The following CCDC136 variants were observed in gnomAD, a reference collection of about 807,000 sequenced individuals.
The protein encoded by CCDC136 is coiled-coil domain containing 136.
CCDC136 carries 100 observed loss-of-function variants against 141.2 expected under a neutral mutation model. The observed-to-expected ratio is 0.71, with a 90% confidence interval of 0.60 to 0.84. The LOEUF (loss-of-function observed/expected upper bound fraction) is 0.84, where lower values mean the gene tolerates loss of function less well. Among genes scored for constraint, CCDC136 ranks in the 40% least tolerant of loss-of-function variants. The pLI is 0.00. For synonymous variants in CCDC136, 474 were observed against 531.9 expected, an observed-to-expected ratio of 0.89 and a Z score of 1.50; for missense variants, 1,206 against 1,379.4, an observed-to-expected ratio of 0.87 and a Z score of 1.99.
At position 128,792,393 on chromosome 7, in the gene CCDC136, G is replaced by C. The variant is rs771542517; in HGVS notation, c.-19G>C. The stretch of plus-strand genomic sequence containing the variant: ...AGAGGAAGAAGGGCCAACGCTGGGG[G>C]TCCCTGGAACGACGGGGGATGCAAG... On this transcript the variant is annotated 5_prime_UTR_variant, in exon 1 of 18. Transcript: ENST00000297788. 3.7e-6 allele frequency: 6 copies of C among 1,611,268 alleles called. No homozygotes were observed. The highest frequency in any genetic ancestry group is 5.1e-6 in the Non-Finnish European group (6 of 1,178,584).
intron 17 of CCDC136, among the ~76,000 whole-genome samples, chr7:128,818,838 T>C (rs1040589052): frequency 2.6e-5 from 4 of 152,154 alleles, no homozygotes; most frequent in East Asian, 1.9e-4. Flanking sequence ...TAGTCCTGCA[T>C]TGGCTCCTCT....
intron 14 of CCDC136, 34 bp from the exon 15 acceptor site, chr7:128,814,604 C>T (rs1806298296): frequency 6.6e-7 from 1 of 1,505,606 alleles, no homozygotes; most frequent in African/African-American, 1.4e-5. Context: ...CATAACCAGC[C>T]AACTCTGGGT....
rs550847098 is a variant in CCDC136 at position 128,814,241 on chromosome 7, A to G, written c.2764-397A>G. ...TCTGGGACTACAGGCGCGCTCCAAT[A>G]AGCCCAGCGAATGTTTGTATTTTTA... On this transcript the variant is annotated intron_variant, in intron 14 of 17. Coordinates refer to ENST00000297788, the MANE Select transcript of CCDC136 (RefSeq NM_022742.5). 1.6e-3 allele frequency among the ~76,000 whole-genome samples: 246 copies of G among 151,932 alleles called. 7 individuals are homozygous for G. The South Asian group carries it at 0.05, about 31-fold the overall frequency.
intron 1 of CCDC136, among the ~76,000 whole-genome samples, chr7:128,793,234 A>G (rs560522511): frequency 1.1e-4 from 17 of 152,370 alleles, no homozygotes; most frequent in African/African-American, 3.6e-4. Context: ...GGGTGCTCAC[A>G]ACCAGAGGCT....
At chr7:128,795,543 G>GCT (rs1420631863) in intron 3 of CCDC136, among the ~76,000 whole-genome samples, 5 of 151,960 alleles carry the variant, frequency 3.3e-5, no homozygotes, top group Non-Finnish European at 7.4e-5. Flanking sequence ...GGTGTAAGTG[G>GCT]GGAGGAGAGG....
chr7:128,791,954 C>CCTTT, upstream of CCDC136: 1 of 1,012,980 alleles, frequency 9.9e-7, no homozygotes, highest in Non-Finnish European at 1.2e-6. This position sits in a 1 kb window ranked among gnomAD's most constrained non-coding sequence, Gnocchi z 7.1. Context: ...CGCACGCCCC[C>CCTTT]CACTCCTCCC....
chr7:128,815,721 A>G lies in CCDC136; in HGVS notation c.3153A>G (p.Lys1051=). 2 of 1,557,402 alleles carry G rather than the reference A, an allele frequency of 1.3e-6. No homozygotes were observed. The highest frequency in any genetic ancestry group is 1.7e-6 in the Non-Finnish European group (2 of 1,150,452). ...TGGAGGAGGAAAAAAAGCAAGTGAA[A>G]GAGGAAGCAAAGGAGCAGTGTGGGG... ...EEMEEEKKQV[K]EEAKEQCGDE... The change falls in exon 16 of 18, where the codon AAA becomes AAG. Residue 1051 remains lysine, a synonymous_variant. Transcript: ENST00000297788.
chr7:128,796,376 C>T (rs548850716), intron 3 of CCDC136, among the ~76,000 whole-genome samples: 8 of 152,122 alleles, frequency 5.3e-5, no homozygotes, highest in Non-Finnish European at 1.0e-4. Flanking sequence ...TTTGTTTGAG[C>T]GACAGAACAG....
At position 128,814,842 on chromosome 7, in the gene CCDC136, A is replaced by G; in HGVS notation, c.2968A>G (p.Asn990Asp). 1.2e-6 allele frequency: 2 copies of G among 1,610,346 alleles called. No homozygotes were observed. The highest frequency in any genetic ancestry group is 2.7e-5 in the African/African-American group (2 of 75,008). The change falls in exon 15 of 18, where the codon AAT (asparagine) becomes GAT (aspartate). Residue 990 changes from asparagine (N) to aspartate (D), a missense_variant. Transcript: ENST00000297788. Reference protein sequence around the residue: ...GKNANKNMNKNANGVKMKKVT... With the variant: ...GKNANKNMNKDANGVKMKKVT... ...GAATGCTAATAAGAACATGAACAAG[A>G]ATGCCAATGGGGTTAAAATGAAAAA...
chr7:128,806,578 A>G, intron 8 of CCDC136, 110 bp from the exon 9 acceptor site: 1 of 1,164,442 alleles, frequency 8.6e-7, no homozygotes, highest in Non-Finnish European at 1.2e-6. Flanking sequence ...TAGGAAGTGA[A>G]GGGCAGGAAG....
In CCDC136 at chr7:128,821,040, C is replaced by T. The variant is rs3800560; in HGVS notation, c.*6-759C>T. ...AAGTAATAAAAATAAAACCTATTTCCCCAAGTATGTATTTTCTTGTCTAAG... is the reference window on the plus strand; with the variant it reads ...AAGTAATAAAAATAAAACCTATTTCTCCAAGTATGTATTTTCTTGTCTAAG... On this transcript the variant is annotated intron_variant, in intron 17 of 17. Transcript: ENST00000297788. The surrounding 1 kb of genome is among the most constrained non-coding windows in gnomAD (Gnocchi z 5.1). Among the ~76,000 whole-genome samples the T allele has an allele frequency of 0.093, 14,153 of 152,178 alleles. 696 individuals are homozygous for T. The highest frequency in any genetic ancestry group is 0.19 in the East Asian group (995 of 5,180).
rs542421446 is a variant in CCDC136 at position 128,795,418 on chromosome 7, G to C, written c.346+650G>C. On this transcript the variant is annotated intron_variant, in intron 3 of 17. Coordinates refer to ENST00000297788, the MANE Select transcript of CCDC136 (RefSeq NM_022742.5). ...GTGGGCCTCCGGAAGGTTTAGGGGA[G>C]CTGCCCTAGAAAACGGCAGGGACTC... Among the ~76,000 whole-genome samples the C allele has an allele frequency of 1.7e-4, 26 of 152,192 alleles. 1 individual carries two copies. Among genetic ancestry groups the C allele is most frequent in the African/African-American group, 6.3e-4 (26 of 41,518 alleles).
rs536796830 is a variant in CCDC136 at position 128,794,986 on chromosome 7, G to T, written c.346+218G>T. Reference sequence around the variant, plus strand: ...CTTTGCACATCTACCTGGCTCTTCTGTCCTCCCCTTCCATTTCTTGGCCTC... The same window carrying T: ...CTTTGCACATCTACCTGGCTCTTCTTTCCTCCCCTTCCATTTCTTGGCCTC... On this transcript the variant is annotated intron_variant, in intron 3 of 17. Coordinates refer to ENST00000297788, the MANE Select transcript of CCDC136 (RefSeq NM_022742.5). The surrounding 1 kb of genome is among the most constrained non-coding windows in gnomAD (Gnocchi z 4.3). Among the ~76,000 whole-genome samples the T allele has an allele frequency of 3.9e-5, 6 of 151,962 alleles. No homozygotes were observed. Among genetic ancestry groups the T allele is most frequent in the Non-Finnish European group, 7.4e-5 (5 of 67,996 alleles).
chr7:128,802,045 G>A (rs1201545199), intron 4 of CCDC136, among the ~76,000 whole-genome samples: 2 of 152,168 alleles, frequency 1.3e-5, no homozygotes, highest in Non-Finnish European at 2.9e-5. Flanking sequence ...ATGCTTTATA[G>A]GGGGCCTCTG....
chr7:128,812,672 C>T (rs758771657), intron 13 of CCDC136, 36 bp from the exon 14 acceptor site: 13 of 1,533,194 alleles, frequency 8.5e-6, no homozygotes, highest in Non-Finnish European at 1.2e-5. Context: ...TTAGGTGCTC[C>T]TCAGGGTGCT....
At chr7:128,811,756 G>A in intron 12 of CCDC136, 44 bp from the exon 13 acceptor site, 1 of 1,520,188 alleles carries the variant, frequency 6.6e-7, no homozygotes, top group Non-Finnish European at 8.8e-7. Flanking sequence ...TGGAAGGACT[G>A]AAGTGTCAGA....
chr7:128,799,477 G>GAT (rs1329435781), intron 3 of CCDC136, among the ~76,000 whole-genome samples: 1 of 151,602 alleles, frequency 6.6e-6, no homozygotes, highest in Non-Finnish European at 1.5e-5. Context: ...ATTGAGCTTC[G>GAT]TTTTCAGGCA....
rs1160907170 is a variant in CCDC136 at position 128,816,023 on chromosome 7, T to C, written c.3363+92T>C. ...TGGGTGGCCCTGCCAAGGATGGATA[T>C]CTCCAGGAGTGGAGGCCTCGCGCTC... On this transcript the variant is annotated intron_variant, in intron 16 of 17. Coordinates refer to ENST00000297788, the MANE Select transcript of CCDC136 (RefSeq NM_022742.5). The C allele has an allele frequency of 5.4e-6, 7 of 1,297,894 alleles. No individual in the cohort carries two copies. The East Asian group carries it at 1.7e-4, about 31-fold the overall frequency. 80.4% of individuals were successfully genotyped at this position (1,297,894 alleles called of 1,614,324 possible). A position where few individuals can be genotyped will look rare whatever the true frequency, so the allele number is the denominator to read the frequency against.
chr7:128,812,080 A>T lies in CCDC136; in HGVS notation c.2309A>T (p.Glu770Val). ...KTYDTTVDDN[E>V]SYYKSYTSTQ... is the part of the protein sequence containing the mutation. ...TATGATACCACTGTGGATGACAATG[A>T]GAGCTATTACAAGAGTTACACCAGC... The change falls in exon 13 of 18, where the codon GAG becomes GTG. Residue 770 changes from glutamate (E) to valine (V), a missense_variant. Coordinates refer to ENST00000297788, the MANE Select transcript of CCDC136 (RefSeq NM_022742.5). 1 of 1,614,040 alleles carries T rather than the reference A, an allele frequency of 6.2e-7. No homozygotes were observed. The highest frequency in any genetic ancestry group is 1.1e-5 in the South Asian group (1 of 91,088).
Sources: allele counts gnomAD v4.1 joint callset (sites outside exome capture counted in the v4.1 genomes callset), GRCh38; gene constraint gnomAD v4.1.1; non-coding constraint Gnocchi (gnomAD v3.1); transcripts MANE v1.5; gene names NCBI Gene and HGNC (gene_info 2026-07-23, HGNC 2026-07-21).